SLK: variants seen among roughly 807,000 people sequenced by gnomAD.
SLK encodes STE20-like serine/threonine-protein kinase.
Under a neutral mutation model 147.7 loss-of-function variants are expected in SLK, and 67 were observed. That is an observed-to-expected ratio of 0.45 (90% CI 0.37 to 0.56). The LOEUF is 0.56. Ranked by LOEUF, SLK falls within the 20% of genes least tolerant of loss-of-function variation. The pLI is 0.00. For missense variants in SLK, 1,136 were observed against 1,438.8 expected (o/e 0.79, Z 3.41); for synonymous variants, 441 against 475.0 (o/e 0.93, Z 0.93).
intron 16 of SLK, 108 bp from the exon 17 acceptor site, chr10:104,020,380 G>A (rs943221986): frequency 5.2e-5 from 55 of 1,058,136 alleles, no homozygotes; most frequent in Middle Eastern, 2.9e-4. Flanking sequence ...ATTATTACTT[G>A]TAGCTTCAGT....
intron 18 of SLK, among the ~76,000 whole-genome samples, chr10:104,024,059 C>T (rs1454077169): frequency 6.6e-6 from 1 of 152,182 alleles, no homozygotes; most frequent in Admixed American, 6.5e-5. Context: ...GGCCACTCAC[C>T]ATCAGATGTT....
At chr10:103,984,058 T>C (rs1235516249) in intron 1 of SLK, among the ~76,000 whole-genome samples, 1 of 152,226 alleles carries the variant, frequency 6.6e-6, no homozygotes, top group Non-Finnish European at 1.5e-5. Context: ...AGTTAGTCAT[T>C]GTTTTTATTA....
intron 12 of SLK, among the ~76,000 whole-genome samples, chr10:104,010,415 C>G (rs1040449683): frequency 6.6e-6 from 1 of 152,108 alleles, no homozygotes; most frequent in Non-Finnish European, 1.5e-5. Context: ...TTATAAATGG[C>G]ATTAGCTTTC....
At chr10:103,971,005 G>C (rs553709523) in intron 1 of SLK, among the ~76,000 whole-genome samples, 1 of 152,272 alleles carries the variant, frequency 6.6e-6, no homozygotes, top group South Asian at 2.1e-4. Flanking sequence ...TTTCAGATTA[G>C]ATTTTCAGAT....
Position 104,020,475 on chromosome 10 carries a change from T to C in SLK, c.3322-13T>C. 1 of 1,604,984 alleles carries C rather than the reference T, an allele frequency of 6.2e-7. No homozygotes were observed. Among genetic ancestry groups the C allele is most frequent in the South Asian group, 1.1e-5 (1 of 89,596 alleles). On this transcript the variant is annotated splice_polypyrimidine_tract_variant and intron_variant, in intron 16 of 18. Coordinates refer to ENST00000369755, the MANE Select transcript of SLK (RefSeq NM_014720.4). ...CTTCTGAACTATAGTTTATCTTTTT[T>C]TCTTATTTATAGTTTGCTGCACAAG...
At chr10:103,974,850 T>TTTTTTTG (rs1430798952) in intron 1 of SLK, 1 of 127,448 alleles carries the variant, frequency 7.8e-6, no homozygotes, top group Non-Finnish European at 1.6e-5. Context: ...TTTTTTTTTT[T>TTTTTTTG]AGTAGAGACA....
At chr10:103,967,996 CT>C (rs981169924) in intron 1 of SLK, 101 bp downstream of exon 1, 44 of 1,221,122 alleles carry the variant, frequency 3.6e-5, no homozygotes, top group South Asian at 1.4e-5. Context: ...TCCTGTCCTT[CT>C]TTTGACTGTT....
chr10:103,992,030 G>A (rs138206858), intron 2 of SLK, among the ~76,000 whole-genome samples: 2 of 151,450 alleles, frequency 1.3e-5, no homozygotes, highest in East Asian at 3.9e-4. Context: ...TGTGGTAAGG[G>A]TTAAGAAGGA....
At position 104,003,086 on chromosome 10, in the gene SLK, AAC is replaced by A; in HGVS notation, c.1909_1910del (p.Thr637Ter). 6.2e-7 allele frequency: 1 copy of A among 1,614,152 alleles called. No individual in the cohort carries two copies. On this transcript the variant is annotated frameshift_variant, in exon 9 of 19. Coordinates refer to ENST00000369755, the MANE Select transcript of SLK (RefSeq NM_014720.4). LOFTEE classifies it high-confidence loss of function. ...TGGACATCAATGAGGAACCAGGAAC[AAC>A]TGAAGGTGAAGAAATCACTGAGTCA... ...IMDINEEPGTTEGEEITESSS... is the reference protein window; with the variant it reads ...IMDINEEPGTXEGEEITESSS...
chr10:104,007,566 C>T (rs1235983410), intron 11 of SLK, among the ~76,000 whole-genome samples: 2 of 151,862 alleles, frequency 1.3e-5, no homozygotes, highest in Non-Finnish European at 2.9e-5. Flanking sequence ...AGAGATTGTG[C>T]CACTGCACTC....
intron 1 of SLK, among the ~76,000 whole-genome samples, chr10:103,977,818 G>A (rs1430300515): frequency 1.3e-5 from 2 of 152,068 alleles, no homozygotes; most frequent in African/African-American, 4.8e-5. Context: ...ACCTTATTGA[G>A]TGCTCTTATT....
intron 1 of SLK, among the ~76,000 whole-genome samples, chr10:103,973,822 T>G (rs992376169): frequency 6.6e-6 from 1 of 152,238 alleles, no homozygotes; most frequent in Non-Finnish European, 1.5e-5. Context: ...CTTGCCTGTC[T>G]AAATATGTCT....
At chr10:104,022,284 A>G (rs1021393607) in intron 18 of SLK, among the ~76,000 whole-genome samples, 6 of 152,174 alleles carry the variant, frequency 3.9e-5, no homozygotes, top group African/African-American at 1.4e-4. Flanking sequence ...AACTGGAGCC[A>G]TATTAAAAGG....
rs762714394 is a variant in SLK at position 104,003,089 on chromosome 10, T to A, written c.1911T>A (p.Thr637=). ...IMDINEEPGT[T]EGEEITESSS... ...ACATCAATGAGGAACCAGGAACAAC[T>A]GAAGGTGAAGAAATCACTGAGTCAA... Residue 637 remains threonine (T), a synonymous_variant, in exon 9 of 19, where the codon ACT becomes ACA. Coordinates refer to ENST00000369755, the MANE Select transcript of SLK (RefSeq NM_014720.4). The A allele has an allele frequency of 1.9e-6, 3 of 1,614,026 alleles. No homozygotes were observed. In the Admixed American group the frequency reaches 5.0e-5, roughly 27 times the overall value.
chr10:103,999,046 A>T, intron 5 of SLK, 73 bp from the exon 6 acceptor site: 2 of 1,538,874 alleles, frequency 1.3e-6, no homozygotes, highest in Non-Finnish European at 1.8e-6. Context: ...TTTTGTCCAC[A>T]TAATTGATTA....
intron 1 of SLK, among the ~76,000 whole-genome samples, chr10:103,981,935 C>A (rs1843950672): frequency 1.3e-5 from 2 of 152,122 alleles, no homozygotes; most frequent in Non-Finnish European, 2.9e-5. Context: ...GACATTTTAA[C>A]AATATTAGGC....
At chr10:103,979,288 A>G (rs914784319) in intron 1 of SLK, among the ~76,000 whole-genome samples, 3 of 152,232 alleles carry the variant, frequency 2.0e-5, no homozygotes, top group Non-Finnish European at 4.4e-5. Context: ...AAGTGCTGGG[A>G]TTATAGGCGT....
chr10:103,977,835 T>C (rs937006674), intron 1 of SLK, among the ~76,000 whole-genome samples: 2 of 152,184 alleles, frequency 1.3e-5, no homozygotes, highest in African/African-American at 4.8e-5. Context: ...TATTGTTTAT[T>C]TTCCCCTCAA....
rs56381345 is a variant in SLK, at chr10:103,992,141, G to GTTTTTTTTTTTTTTTTTTTTTTTTT, written c.316-439_316-438insTTTTTTTTTTTTTTTTTTTTTTTTT. Among the ~76,000 whole-genome samples the GTTTTTTTTTTTTTTTTTTTTTTTTT allele has an allele frequency of 4.7e-4, 43 of 91,796 alleles. 5 individuals are homozygous for GTTTTTTTTTTTTTTTTTTTTTTTTT. The highest frequency in any genetic ancestry group is 6.7e-4 in the Non-Finnish European group (32 of 47,894). The allele number at this position is 91,796 out of a possible 152,430, so 60.2% of individuals were successfully genotyped here. Reference sequence around the variant, plus strand: ...TGAAGCTTTTGTGGGTATTTCTTCTGTTTTTTTTTTTTTTTTTTCTAAAAG... The same window carrying GTTTTTTTTTTTTTTTTTTTTTTTTT: ...TGAAGCTTTTGTGGGTATTTCTTCTGTTTTTTTTTTTTTTTTTTTTTTTTTTTTTTTTTTTTTTTTTTTCTAAAAG... On this transcript the variant is annotated intron_variant, in intron 2 of 18. Coordinates refer to ENST00000369755, the MANE Select transcript of SLK (RefSeq NM_014720.4).
Sources: allele counts gnomAD v4.1 joint callset (sites outside exome capture counted in the v4.1 genomes callset), GRCh38; gene constraint gnomAD v4.1.1; transcripts MANE v1.5; gene names NCBI Gene and HGNC (gene_info 2026-07-23, HGNC 2026-07-21).